PCDHA1: variants seen among roughly 807,000 people sequenced by gnomAD.
PCDHA1 encodes the protein protocadherin alpha-1.
A neutral mutation model predicts 61.3 loss-of-function variants in PCDHA1; 42 were observed. The ratio of observed to expected loss-of-function variants is 0.69; its 90% CI spans 0.54 to 0.89. The LOEUF (loss-of-function observed/expected upper bound fraction) is 0.89, where lower values mean the gene tolerates loss of function less well. Among genes scored for constraint, PCDHA1 ranks in the 40% least tolerant of loss-of-function variants. PCDHA1 has a pLI of 0.00. For synonymous variants in PCDHA1, 610 were observed against 553.8 expected (o/e 1.10, Z -1.43); for missense variants, 1,256 against 1,235.3 (o/e 1.02, Z -0.25).
rs558490430 is a variant in PCDHA1, at chr5:140,909,702, G to A, written c.2395-69247G>A. ...AGCCAATGTGGGGGTTCTGCTAGCT[G>A]CTAAGTATACCTATGCCAATTATGC... is the stretch of plus-strand genomic sequence containing the variant. On this transcript the variant is annotated intron_variant, in intron 1 of 3. Transcript: ENST00000504120. Among the ~76,000 whole-genome samples the A allele has an allele frequency of 3.3e-5, 5 of 152,302 alleles. No individual in the cohort carries two copies. In the East Asian group the frequency reaches 9.6e-4, roughly 29 times the overall value.
rs532609088 is a variant in PCDHA1, at chr5:140,890,699, T to A, written c.2395-88250T>A. 2.6e-5 allele frequency among the ~76,000 whole-genome samples: 4 copies of A among 152,312 alleles called. No homozygotes were observed. In the East Asian group the frequency reaches 7.7e-4, roughly 29 times the overall value. On this transcript the variant is annotated intron_variant, in intron 1 of 3. Transcript: ENST00000504120. ...CTCCTTCTGGGAAATGCAGGGACCT[T>A]ACATTTTTAAAATCTTTTTAATCCC... is the stretch of plus-strand genomic sequence containing the variant.
rs1053041034 is a variant in PCDHA1 at position 141,011,123 on chromosome 5, T to G, written c.*1186T>G. ...CTCTCTCTTTTCTAAGAAACAATTA[T>G]GTGCACTTTGATACACAACCTTCTC... is the stretch of plus-strand genomic sequence containing the variant. On this transcript the variant is annotated 3_prime_UTR_variant, in exon 4 of 4. Coordinates refer to ENST00000504120, the MANE Select transcript of PCDHA1 (RefSeq NM_018900.4). 3 of 153,884 alleles carry G rather than the reference T, an allele frequency of 1.9e-5. No homozygotes were observed. The Admixed American group carries it at 2.0e-4, about 10-fold the overall frequency. The allele number at this position is 153,884 out of a possible 1,614,324, so 9.5% of individuals were successfully genotyped here.
intron 3 of PCDHA1, among the ~76,000 whole-genome samples, chr5:140,999,590 C>T (rs951986017): frequency 3.3e-5 from 5 of 152,132 alleles, no homozygotes; most frequent in Non-Finnish European, 7.3e-5. Context: ...AAATTGCCTT[C>T]CCTACATCCT....
At position 140,823,615 on chromosome 5, in the gene PCDHA1, C is replaced by T. The variant is rs2150127467; in HGVS notation, c.2394+34931C>T. 3.1e-6 allele frequency: 5 copies of T among 1,613,928 alleles called. No individual in the cohort carries two copies. The Admixed American group carries it at 8.3e-5, about 27-fold the overall frequency. On this transcript the variant is annotated intron_variant, in intron 1 of 3. Coordinates refer to ENST00000504120, the MANE Select transcript of PCDHA1 (RefSeq NM_018900.4). ...GCTTTCGTATGAGCTGCAGCCAGCG[C>T]CTGGCAGTGCGCGCATCCCGTTCCG... is the stretch of plus-strand genomic sequence containing the variant.
At chr5:141,004,681 G>A (rs1554259668) in intron 3 of PCDHA1, among the ~76,000 whole-genome samples, 1 of 152,176 alleles carries the variant, frequency 6.6e-6, no homozygotes. Flanking sequence ...CTGTGGAGTG[G>A]TGCTGAAACC....
At chr5:140,857,488 C>G (rs782255025) in intron 1 of PCDHA1, 2 of 1,598,442 alleles carry the variant, frequency 1.3e-6, no homozygotes, top group South Asian at 2.2e-5. Context: ...CTGCGTGGGA[C>G]GCGGACGCGC....
chr5:140,913,167 T>C (rs1232000053), intron 1 of PCDHA1, among the ~76,000 whole-genome samples: 1 of 152,196 alleles, frequency 6.6e-6, no homozygotes, highest in Non-Finnish European at 1.5e-5. Flanking sequence ...TTGGTATTAG[T>C]TCTTCTTTAA....
intron 1 of PCDHA1, among the ~76,000 whole-genome samples, chr5:140,897,497 G>C (rs1554187423): frequency 6.6e-6 from 1 of 152,010 alleles, no homozygotes; most frequent in Admixed American, 6.6e-5. Flanking sequence ...TTTCAACCAT[G>C]TCCCTACAAA....
intron 1 of PCDHA1, chr5:140,843,188 C>T (rs2150354903): frequency 6.3e-7 from 1 of 1,596,014 alleles, no homozygotes; most frequent in Non-Finnish European, 8.6e-7. Flanking sequence ...CATCCCGTTC[C>T]GCGTGGGGCT....
intron 1 of PCDHA1, among the ~76,000 whole-genome samples, chr5:140,951,382 G>A (rs246042): frequency 0.56 from 85,615 of 151,810 alleles, 24,753 homozygotes; most frequent in African/African-American, 0.69. Context: ...CCCAAGACTC[G>A]GTAATTTATA....
At chr5:140,887,062 C>A (rs1183265871) in intron 1 of PCDHA1, among the ~76,000 whole-genome samples, 2 of 151,718 alleles carry the variant, frequency 1.3e-5, no homozygotes, top group African/African-American at 4.8e-5. Flanking sequence ...GTTCTGGCAA[C>A]AAATTCACTC....
intron 1 of PCDHA1, among the ~76,000 whole-genome samples, chr5:140,904,190 C>T (rs1292555686): frequency 6.6e-6 from 1 of 151,916 alleles, no homozygotes; most frequent in Non-Finnish European, 1.5e-5. Flanking sequence ...CCCTTCCCAC[C>T]CTTTCCCCCT....
At chr5:140,805,637 T>C (rs547557832) in intron 1 of PCDHA1, 2 of 878,712 alleles carry the variant, frequency 2.3e-6, no homozygotes, top group African/African-American at 1.8e-5. Context: ...TGTGGTTTAT[T>C]TATTGGGAAG....
intron 3 of PCDHA1, among the ~76,000 whole-genome samples, chr5:141,008,156 G>A (rs1231186640): frequency 6.6e-6 from 1 of 152,150 alleles, no homozygotes; most frequent in Non-Finnish European, 1.5e-5. Context: ...GGTTTGATAA[G>A]ATGAGGACTA....
At position 140,786,809 on chromosome 5, in the gene PCDHA1, C is replaced by T. The variant is rs1168615136; in HGVS notation, c.519C>T (p.Ser173=). 6.2e-7 allele frequency: 1 copy of T among 1,614,172 alleles called. No individual in the cohort carries two copies. Among genetic ancestry groups the T allele is most frequent in the Non-Finnish European group, 8.5e-7 (1 of 1,180,014 alleles). The change falls in exon 1 of 4, where the codon AGC becomes AGT. Residue 173 remains serine, a synonymous_variant. Transcript: ENST00000504120. ...ACGCTCTTCTAACGTACACGCTCAG[C>T]CCGAGTGATTATTTCTCTTTGGATG... ...GANALLTYTL[S]PSDYFSLDVE... is the part of the protein sequence containing the mutation.
chr5:140,986,385 T>C (rs1554247992), intron 3 of PCDHA1, among the ~76,000 whole-genome samples: 2 of 152,134 alleles, frequency 1.3e-5, no homozygotes, highest in Non-Finnish European at 1.5e-5. Context: ...GGAGGGACAT[T>C]AAAGGGCCAG....
chr5:140,801,304 C>T, intron 1 of PCDHA1: 3 of 1,613,470 alleles, frequency 1.9e-6, no homozygotes, highest in Non-Finnish European at 2.5e-6. Context: ...TACTCCGTCT[C>T]TGAGGAGGCC....
chr5:140,841,990 A>C (rs1422352219), intron 1 of PCDHA1: 1 of 1,613,690 alleles, frequency 6.2e-7, no homozygotes, highest in African/African-American at 1.3e-5. Flanking sequence ...CTGAGCTCAC[A>C]GGCACTGTTC....
At chr5:140,790,951 G>A (rs782019811) in intron 1 of PCDHA1, among the ~76,000 whole-genome samples, 1 of 152,180 alleles carries the variant, frequency 6.6e-6, no homozygotes, top group African/African-American at 2.4e-5. Flanking sequence ...GTCACTTAGT[G>A]TTTATTTTAA....
Sources: allele counts gnomAD v4.1 joint callset (sites outside exome capture counted in the v4.1 genomes callset), GRCh38; gene constraint gnomAD v4.1.1; transcripts MANE v1.5; gene names NCBI Gene and HGNC (gene_info 2026-07-23, HGNC 2026-07-21).